Variants in RIMS4 observed in about 807,000 individuals in gnomAD.
The protein encoded by RIMS4 is regulating synaptic membrane exocytosis protein 4.
Under a neutral mutation model 29.0 loss-of-function variants are expected in RIMS4, and 9 were observed. The observed-to-expected ratio is 0.31, with a 90% CI of 0.19 to 0.54. The LOEUF (loss-of-function observed/expected upper bound fraction) is 0.54, where lower values mean the gene tolerates loss of function less well. Among genes scored for constraint, RIMS4 ranks in the 20% least tolerant of loss-of-function variants. The pLI, the probability that RIMS4 is intolerant of heterozygous loss-of-function variation, is 0.94. For synonymous variants in RIMS4, 130 were observed against 152.9 expected (o/e 0.85, Z 1.10); for missense variants, 193 against 365.7 (o/e 0.53, Z 3.85).
At chr20:44,785,226 T>C (rs916305835) in intron 1 of RIMS4, among the ~76,000 whole-genome samples, 10 of 151,952 alleles carry the variant, frequency 6.6e-5, no homozygotes, top group African/African-American at 2.2e-4. Flanking sequence ...AAGCCATTCT[T>C]CTTCTTTTTT....
At chr20:44,799,244 A>T (rs1013274355) in intron 1 of RIMS4, among the ~76,000 whole-genome samples, 2 of 152,156 alleles carry the variant, frequency 1.3e-5, no homozygotes, top group African/African-American at 4.8e-5. Flanking sequence ...CAGAGGTTAC[A>T]GTGACCTGAG....
At chr20:44,795,791 C>T (rs914848393) in intron 1 of RIMS4, among the ~76,000 whole-genome samples, 1 of 152,056 alleles carries the variant, frequency 6.6e-6, no homozygotes, top group Non-Finnish European at 1.5e-5. Flanking sequence ...AGAAGCACCA[C>T]CAAGTGAAAA....
Position 44,773,486 on chromosome 20 carries a change from A to G in RIMS4, c.98-2073T>C, listed in dbSNP as rs568661778. Among the ~76,000 whole-genome samples the G allele has an allele frequency of 4.5e-4, 69 of 152,112 alleles. 2 individuals are homozygous for G. The highest frequency in any genetic ancestry group is 3.7e-3 in the Admixed American group (57 of 15,290). On this transcript the variant is annotated intron_variant, in intron 1 of 5. Coordinates refer to ENST00000372851, the MANE Select transcript of RIMS4 (RefSeq NM_182970.4). The stretch of plus-strand genomic sequence containing the variant: ...ATGTCCCTGTCAGACGTGCAGGAAC[A>G]AACACCCCCCCCACACCCCACACTA...
At position 44,754,300 on chromosome 20, in the gene RIMS4, G is replaced by GT. The variant is rs1568891934; in HGVS notation, c.*1833dup. On this transcript the variant is annotated 3_prime_UTR_variant, in exon 6 of 6. Transcript: ENST00000372851. ...GTGCAGGGTAAGCAGCTCTGTGGAG[G>GT]TGATATACATTGACCAGAACTTTAA... The GT allele has an allele frequency of 6.5e-6, 1 of 154,882 alleles. No individual in the cohort carries two copies. Among genetic ancestry groups the GT allele is most frequent in the Admixed American group, 6.5e-5 (1 of 15,290 alleles). 9.6% of individuals were successfully genotyped at this position (154,882 alleles called of 1,614,324 possible).
At chr20:44,776,000 C>A (rs964277764) in intron 1 of RIMS4, among the ~76,000 whole-genome samples, 8 of 152,082 alleles carry the variant, frequency 5.3e-5, no homozygotes, top group Non-Finnish European at 1.2e-4. Context: ...AAACCTTAGC[C>A]AGGCGTGGTG....
chr20:44,766,128 C>T (rs1403750634), intron 2 of RIMS4, among the ~76,000 whole-genome samples: 1 of 152,078 alleles, frequency 6.6e-6, no homozygotes. Context: ...GCCAGAGGAA[C>T]GGTAGGCCCT....
intron 1 of RIMS4, 52 bp downstream of exon 1, chr20:44,810,123 G>T: frequency 1.7e-6 from 2 of 1,184,930 alleles, no homozygotes; most frequent in South Asian, 1.3e-5. Flanking sequence ...GGGGCTACCG[G>T]ACCTGGATCC....
Position 44,756,063 on chromosome 20 carries a change from TG to T in RIMS4, c.*70del. 1 of 1,227,242 alleles carries T rather than the reference TG, an allele frequency of 8.1e-7. No individual in the cohort carries two copies. The highest frequency in any genetic ancestry group is 1.2e-6 in the Non-Finnish European group (1 of 863,470). The allele number at this position is 1,227,242 out of a possible 1,614,324, so 76.0% of individuals were successfully genotyped here. ...CCCGTCCTCCTGTTCAATGTGCCCCTGGGCCTGGGGTCCCAGGTCAGGGCTG... is the reference window on the plus strand; with the variant it reads ...CCCGTCCTCCTGTTCAATGTGCCCCTGGCCTGGGGTCCCAGGTCAGGGCTG... On this transcript the variant is annotated 3_prime_UTR_variant, in exon 6 of 6. Transcript: ENST00000372851. This position sits in a 1 kb window ranked among gnomAD's most constrained non-coding sequence, Gnocchi z 5.9.
intron 1 of RIMS4, among the ~76,000 whole-genome samples, chr20:44,779,634 T>A (rs2066175151): frequency 6.6e-6 from 1 of 152,358 alleles, no homozygotes; most frequent in South Asian, 2.1e-4. Context: ...ATAATTTTCA[T>A]CTATTCTATT....
intron 1 of RIMS4, among the ~76,000 whole-genome samples, chr20:44,802,576 C>T (rs1473410031): frequency 6.6e-6 from 1 of 152,106 alleles, no homozygotes; most frequent in Non-Finnish European, 1.5e-5. Flanking sequence ...GCAGAAAGAA[C>T]CCAGCCTGGA....
chr20:44,798,440 T>C (rs1320033701), intron 1 of RIMS4, among the ~76,000 whole-genome samples: 1 of 152,180 alleles, frequency 6.6e-6, no homozygotes, highest in Non-Finnish European at 1.5e-5. Flanking sequence ...GAGGGTGACC[T>C]GAAACGAGGG....
chr20:44,767,374 AT>A (rs2066118291), intron 2 of RIMS4, among the ~76,000 whole-genome samples: 1 of 152,104 alleles, frequency 6.6e-6, no homozygotes. Flanking sequence ...TTGACTCTGC[AT>A]CCTTAACCCA....
intron 1 of RIMS4, among the ~76,000 whole-genome samples, chr20:44,780,508 A>C (rs1322156213): frequency 1.3e-5 from 2 of 152,214 alleles, no homozygotes; most frequent in African/African-American, 2.4e-5. Flanking sequence ...CCACCCTCAA[A>C]GAATCATCTT....
intron 1 of RIMS4, among the ~76,000 whole-genome samples, chr20:44,803,154 A>G (rs1022406068): frequency 6.6e-6 from 1 of 152,146 alleles, no homozygotes; most frequent in Non-Finnish European, 1.5e-5. Context: ...TAACTCCCTG[A>G]GAGCAGAAAC....
chr20:44,769,157 G>A (rs2066126230), intron 2 of RIMS4, among the ~76,000 whole-genome samples: 1 of 152,076 alleles, frequency 6.6e-6, no homozygotes, highest in East Asian at 1.9e-4. Flanking sequence ...AGACTCTCTG[G>A]TCCCTTAAAA....
Position 44,755,707 on chromosome 20 carries a change from G to A in RIMS4, c.*427C>T, listed in dbSNP as rs544832147. The A allele has an allele frequency of 1.7e-3, 274 of 159,326 alleles. No homozygotes were observed. Among genetic ancestry groups the A allele is most frequent in the Non-Finnish European group, 2.6e-3 (184 of 72,060 alleles). 9.9% of individuals were successfully genotyped at this position (159,326 alleles called of 1,614,324 possible). A position where few individuals can be genotyped will look rare whatever the true frequency, so the allele number is the denominator to read the frequency against. On this transcript the variant is annotated 3_prime_UTR_variant, in exon 6 of 6. Transcript: ENST00000372851. ...GGGGCAGGAGTAGCTGCCTGAACCC[G>A]GTGCCGCAGGAAAGACACTTGCTGG...
At chr20:44,783,089 C>T (rs1350914059) in intron 1 of RIMS4, among the ~76,000 whole-genome samples, 1 of 152,218 alleles carries the variant, frequency 6.6e-6, no homozygotes, top group Non-Finnish European at 1.5e-5. Flanking sequence ...TTCTCAGAAA[C>T]TCTCAGAAAA....
chr20:44,804,566 G>A (rs2145481245), intron 1 of RIMS4, among the ~76,000 whole-genome samples: 1 of 152,332 alleles, frequency 6.6e-6, no homozygotes, highest in South Asian at 2.1e-4. Flanking sequence ...AGGAGGCAAA[G>A]TAGAAAAAAG....
chr20:44,810,119 A>G, intron 1 of RIMS4, 56 bp downstream of exon 1: 1 of 1,099,626 alleles, frequency 9.1e-7, no homozygotes, highest in Non-Finnish European at 1.3e-6. Flanking sequence ...GGAGGGGGCT[A>G]CCGGACCTGG....
Sources: gnomAD v4.1 joint callset for allele counts (sites outside exome capture counted in the v4.1 genomes callset) on GRCh38, gnomAD v4.1.1 for gene constraint, Gnocchi (gnomAD v3.1) non-coding constraint, MANE v1.5 for transcripts, NCBI Gene and HGNC (gene_info 2026-07-23, HGNC 2026-07-21) for gene names.